The following MAOB variants were observed in gnomAD, a reference collection of about 807,000 sequenced individuals.
MAOB encodes monoamine oxidase B.
A neutral mutation model predicts 41.9 loss-of-function variants in MAOB; 15 were observed. The ratio of observed to expected loss-of-function variants is 0.36; its 90% CI spans 0.24 to 0.55. MAOB has a LOEUF of 0.55. Ranked by LOEUF, MAOB falls within the 20% of genes least tolerant of loss-of-function variation. The probability of loss-of-function intolerance (pLI) is 0.86; values close to 1 mark genes in which losing one functional copy is unlikely to be tolerated. For synonymous variants in MAOB, 167 were observed against 144.2 expected (o/e 1.16, Z -1.13); for missense variants, 345 against 398.7 (o/e 0.87, Z 1.15).
chrX:43,812,215 T>C (rs1451311114), intron 3 of MAOB, among the ~76,000 whole-genome samples: 1 of 112,509 alleles, frequency 8.9e-6, no homozygotes, highest in Non-Finnish European at 1.9e-5. Flanking sequence ...ATAGTGTATA[T>C]GTACCGCATT....
intron 8 of MAOB, among the ~76,000 whole-genome samples, chrX:43,786,281 C>G (rs767511641): frequency 2.1e-4 from 23 of 111,735 alleles, no homozygotes; most frequent in African/African-American, 7.1e-4. Context: ...GAAGACTCAG[C>G]GGCAAATGTT....
chrX:43,861,067 T>G (rs972177100), intron 1 of MAOB, among the ~76,000 whole-genome samples: 12 of 112,572 alleles, frequency 1.1e-4, no homozygotes, highest in East Asian at 2.8e-4. Flanking sequence ...GTATTTATTT[T>G]GTTGGTCCAT....
chrX:43,778,818 C>T (rs1354439120), intron 10 of MAOB, 79 bp from the exon 11 acceptor site: 1 of 754,401 alleles, frequency 1.3e-6, no homozygotes, highest in African/African-American at 2.1e-5. Context: ...GCATTTATCC[C>T]CTCATAAAAA....
intron 1 of MAOB, chrX:43,850,359 G>A: frequency 8.0e-5 from 60 of 747,919 alleles, no homozygotes; most frequent in Non-Finnish European, 8.1e-5. Context: ...CCAAAGCCTT[G>A]GGACTGTATC....
chrX:43,874,743 C>T (rs1569234056), intron 1 of MAOB, among the ~76,000 whole-genome samples: 1 of 111,474 alleles, frequency 9.0e-6, no homozygotes, highest in Non-Finnish European at 1.9e-5. Context: ...TTTAAAGCCT[C>T]TCTCTTCTCT....
chrX:43,799,603 A>G (rs2034568315), intron 5 of MAOB, among the ~76,000 whole-genome samples: 1 of 111,752 alleles, frequency 8.9e-6, no homozygotes, highest in African/African-American at 3.2e-5. Flanking sequence ...CTTTATTTGA[A>G]TTTACTCTAG....
intron 3 of MAOB, among the ~76,000 whole-genome samples, chrX:43,816,799 G>C (rs1013015697): frequency 1.8e-5 from 2 of 111,880 alleles, no homozygotes; most frequent in African/African-American, 6.5e-5. Context: ...GATTCCAGTG[G>C]CATTGGATTT....
intron 3 of MAOB, among the ~76,000 whole-genome samples, chrX:43,819,726 C>T (rs1281485331): frequency 9.0e-6 from 1 of 111,729 alleles, no homozygotes; most frequent in Non-Finnish European, 1.9e-5. Context: ...TTAATGGGAC[C>T]TCATTTGAGA....
chrX:43,802,085 T>C, intron 5 of MAOB, 87 bp downstream of exon 5: 3 of 745,346 alleles, frequency 4.0e-6, no homozygotes, highest in Non-Finnish European at 6.1e-6. Context: ...ACAAAGCAGC[T>C]ACTTGTCCCA....
chrX:43,809,966 G>A lies in MAOB; in HGVS notation c.280-6562C>T, dbSNP rs186858892. ...ATGAGTGAAAGCTATTGGAAGGGCC[G>A]GGCGCGGTGGCTCACGCCTGTAATC... On this transcript the variant is annotated intron_variant, in intron 3 of 14. Coordinates refer to ENST00000378069, the MANE Select transcript of MAOB (RefSeq NM_000898.5). Among the ~76,000 whole-genome samples, 155 of 101,928 alleles carry A rather than the reference G, an allele frequency of 1.5e-3. 1 individual carries two copies. The highest frequency in any genetic ancestry group is 2.3e-3 in the South Asian group (6 of 2,610). 88.5% of individuals were successfully genotyped at this position (101,928 alleles called of 115,157 possible).
At chrX:43,807,474 C>A (rs1004725275) in intron 3 of MAOB, among the ~76,000 whole-genome samples, 1 of 112,458 alleles carries the variant, frequency 8.9e-6, no homozygotes, top group Admixed American at 9.4e-5. Context: ...CTCCACTGCA[C>A]CAGTTTCATG....
chrX:43,773,664 C>T (rs187763663), intron 12 of MAOB, among the ~76,000 whole-genome samples: 20 of 112,026 alleles, frequency 1.8e-4, no homozygotes, highest in Admixed American at 1.1e-3. Flanking sequence ...GAATTATGGG[C>T]GGGGGTCTTT....
rs145620754 is a variant in MAOB, at chrX:43,868,456, A to G, written c.46+13798T>C. ...CATTTCCCCCTTGGACACATTCTCT[A>G]TGAAATCAGAGAGAAAGGAACAAGG... On this transcript the variant is annotated intron_variant, in intron 1 of 14. Transcript: ENST00000378069. Among the ~76,000 whole-genome samples, 13 of 111,873 alleles carry G rather than the reference A, an allele frequency of 1.2e-4. No individual in the cohort carries two copies. The East Asian group carries it at 3.7e-3, about 31-fold the overall frequency.
rs763953612 is a variant in MAOB at position 43,835,581 on chromosome X, C to T, written c.279+3287G>A. 2.7e-5 allele frequency among the ~76,000 whole-genome samples: 3 copies of T among 112,091 alleles called. No individual in the cohort carries two copies. The East Asian group carries it at 8.4e-4, about 31-fold the overall frequency. Reference sequence around the variant, plus strand: ...AGATCTACAGAGCATTAAAAATGAACGCCACTCAGTAGATACAAACATGTC... The same window carrying T: ...AGATCTACAGAGCATTAAAAATGAATGCCACTCAGTAGATACAAACATGTC... On this transcript the variant is annotated intron_variant, in intron 3 of 14. Transcript: ENST00000378069.
At chrX:43,843,856 G>T (rs2035169893) in intron 1 of MAOB, 92 bp from the exon 2 acceptor site, 1 of 1,122,649 alleles carries the variant, frequency 8.9e-7, no homozygotes, top group Non-Finnish European at 1.2e-6. Context: ...GTCCATGCTG[G>T]CTCACGTGCA....
chrX:43,781,800 G>A (rs961640582), intron 8 of MAOB, among the ~76,000 whole-genome samples: 1 of 111,891 alleles, frequency 8.9e-6, no homozygotes, highest in African/African-American at 3.2e-5. Context: ...CCAGGTCACC[G>A]TTTAATGAAA....
At chrX:43,802,022 A>G (rs1055331130) in intron 5 of MAOB, 150 bp downstream of exon 5, 24 of 500,763 alleles carry the variant, frequency 4.8e-5, no homozygotes, top group Admixed American at 4.5e-4. Context: ...TCAGGGTAGG[A>G]GCCAATTCCA....
At chrX:43,842,543 A>G (rs2035149422) in intron 2 of MAOB, among the ~76,000 whole-genome samples, 1 of 112,297 alleles carries the variant, frequency 8.9e-6, no homozygotes, top group African/African-American at 3.2e-5. Context: ...AAATAGAACT[A>G]CCGCATAATT....
At chrX:43,802,380 T>A (rs1205083925) in intron 4 of MAOB, 117 bp from the exon 5 acceptor site, 2 of 509,166 alleles carry the variant, frequency 3.9e-6, no homozygotes, top group Non-Finnish European at 6.3e-6. Context: ...AAACTCTACC[T>A]TAAAGAGGAA....
Sources: allele counts gnomAD v4.1 joint callset (sites outside exome capture counted in the v4.1 genomes callset), GRCh38; gene constraint gnomAD v4.1.1; transcripts MANE v1.5; gene names NCBI Gene and HGNC (gene_info 2026-07-23, HGNC 2026-07-21).